The following SPOPL variants were observed in gnomAD, a reference collection of about 807,000 sequenced individuals.
SPOPL encodes speckle type BTB/POZ protein like.
Under a neutral mutation model 53.8 loss-of-function variants are expected in SPOPL, and 23 were observed. The observed-to-expected ratio is 0.43, with a 90% confidence interval of 0.31 to 0.61. The LOEUF (loss-of-function observed/expected upper bound fraction) is 0.61, where lower values mean the gene tolerates loss of function less well. Among genes scored for constraint, SPOPL ranks in the 20% least tolerant of loss-of-function variants. SPOPL has a pLI of 0.12. For synonymous variants in SPOPL, 164 were observed against 149.7 expected (o/e 1.10, Z -0.70); for missense variants, 442 against 466.9 (o/e 0.95, Z 0.49).
intron 1 of SPOPL, among the ~76,000 whole-genome samples, chr2:138,509,599 T>C (rs1423855380): frequency 2.6e-5 from 4 of 151,962 alleles, no homozygotes; most frequent in Admixed American, 6.6e-5. Context: ...TTTAAAAAAA[T>C]AGATTTTATG....
At chr2:138,546,194 T>G (rs541079338) in intron 1 of SPOPL, among the ~76,000 whole-genome samples, 1 of 152,376 alleles carries the variant, frequency 6.6e-6, no homozygotes, top group Non-Finnish European at 1.5e-5. Context: ...TATGTTTATT[T>G]GAATAACAAA....
chr2:138,521,919 G>A (rs979976546), intron 1 of SPOPL, among the ~76,000 whole-genome samples: 2 of 152,114 alleles, frequency 1.3e-5, no homozygotes, highest in African/African-American at 2.4e-5. Context: ...ATGAACACCT[G>A]GGGGAATGAT....
At chr2:138,550,823 C>CTTTT in intron 3 of SPOPL, 80 bp from the exon 4 acceptor site, 17 of 1,356,292 alleles carry the variant, frequency 1.3e-5, no homozygotes, top group Non-Finnish European at 1.7e-5. Context: ...TTCTCTCTCT[C>CTTTT]TCTTTCTCTC....
intron 1 of SPOPL, among the ~76,000 whole-genome samples, chr2:138,510,810 A>G (rs1684309679): frequency 1.3e-5 from 2 of 152,180 alleles, no homozygotes; most frequent in African/African-American, 2.4e-5. Context: ...TTATAAGACA[A>G]AAAAATGAAA....
intron 1 of SPOPL, among the ~76,000 whole-genome samples, chr2:138,517,715 G>C (rs1455190616): frequency 1.3e-5 from 2 of 150,836 alleles, no homozygotes; most frequent in Non-Finnish European, 3.0e-5. Context: ...CTCCAGCCTG[G>C]GTGACAGAGC....
rs1007043281 is a variant in SPOPL, at chr2:138,551,127, T to C, written c.352+73T>C. The stretch of plus-strand genomic sequence containing the variant: ...TTATGACTTCTTCTGCACCTTTACC[T>C]AGAAAAGTCTGGGACTTTTTTCTGC... On this transcript the variant is annotated intron_variant, in intron 4 of 10. Coordinates refer to ENST00000280098, the MANE Select transcript of SPOPL (RefSeq NM_001001664.3). 3.9e-6 allele frequency: 6 copies of C among 1,530,340 alleles called. No individual in the cohort carries two copies. The African/African-American group carries it at 7.0e-5, about 18-fold the overall frequency. The allele number at this position is 1,530,340 out of a possible 1,614,324, so 94.8% of individuals were successfully genotyped here.
In SPOPL at chr2:138,559,096, T is replaced by C; in HGVS notation, c.555T>C (p.Arg185=). 2 of 1,613,652 alleles carry C rather than the reference T, an allele frequency of 1.2e-6. No individual in the cohort carries two copies. The highest frequency in any genetic ancestry group is 8.5e-7 in the Non-Finnish European group (1 of 1,179,782). ...NTNTLKVPEC[R]LAEDLGNLWE... is the part of the protein sequence containing the mutation. ...ATACTTTGAAGGTGCCTGAGTGTCG[T>C]CTAGCAGAAGATTTAGGTAATCTCT... is the stretch of plus-strand genomic sequence containing the variant. The change falls in exon 6 of 11, where the codon CGT becomes CGC. Residue 185 remains arginine (R), a synonymous_variant. Transcript: ENST00000280098.
Position 138,571,987 on chromosome 2 carries a change from A to C in SPOPL, c.*2907A>C, listed in dbSNP as rs907963169. On this transcript the variant is annotated 3_prime_UTR_variant, in exon 11 of 11. Transcript: ENST00000280098. ...ATTGGTAATTGGAGAACCTTGCATG[A>C]AATATGTGATCGTGTGTGTGTGTGT... The C allele has an allele frequency of 6.6e-6, 1 of 152,414 alleles. No individual in the cohort carries two copies. The highest frequency in any genetic ancestry group is 1.5e-5 in the Non-Finnish European group (1 of 67,956). The allele number at this position is 152,414 out of a possible 1,614,324, so 9.4% of individuals were successfully genotyped here.
chr2:138,536,346 C>CCCCA (rs1553469730), intron 1 of SPOPL, among the ~76,000 whole-genome samples: 1 of 151,202 alleles, frequency 6.6e-6, no homozygotes, highest in African/African-American at 2.5e-5. Flanking sequence ...TGCCCCCCCC[C>CCCCA]CACACACACA....
intron 6 of SPOPL, 28 bp from the exon 7 acceptor site, chr2:138,559,254 A>T (rs745995761): frequency 6.2e-7 from 1 of 1,611,444 alleles, no homozygotes; most frequent in Middle Eastern, 1.7e-4. Context: ...ATTTATGCAT[A>T]AAATAATGAT....
At chr2:138,530,835 A>G (rs1334705363) in intron 1 of SPOPL, among the ~76,000 whole-genome samples, 1 of 151,994 alleles carries the variant, frequency 6.6e-6, no homozygotes, top group Non-Finnish European at 1.5e-5. Context: ...GGTACTGGAT[A>G]GGACCTCTAG....
At chr2:138,536,139 A>G (rs940218591) in intron 1 of SPOPL, among the ~76,000 whole-genome samples, 27 of 152,104 alleles carry the variant, frequency 1.8e-4, no homozygotes, top group Admixed American at 1.8e-3. Flanking sequence ...AAGTTTAATC[A>G]CAGTTTCTGT....
chr2:138,566,170 AAGT>A (rs1685655411), intron 10 of SPOPL, among the ~76,000 whole-genome samples: 1 of 152,212 alleles, frequency 6.6e-6, no homozygotes. Context: ...TGAAAGTAAA[AAGT>A]AGTGACTACT....
At position 138,569,097 on chromosome 2, in the gene SPOPL, T is replaced by C. The variant is rs558489979; in HGVS notation, c.*17T>C. On this transcript the variant is annotated 3_prime_UTR_variant, in exon 11 of 11. Coordinates refer to ENST00000280098, the MANE Select transcript of SPOPL (RefSeq NM_001001664.3). ...CAGTCCTGAAATCTTCCATGAACAG[T>C]TGAAAAATGGAATTGACTTTCACTC... The C allele has an allele frequency of 1.4e-5, 23 of 1,606,294 alleles. No homozygotes were observed. The Middle Eastern group carries it at 6.1e-4, about 43-fold the overall frequency.
Position 138,501,986 on chromosome 2 carries a change from G to T in SPOPL, c.-194G>T, listed in dbSNP as rs1346531328. 1 of 152,432 alleles carries T rather than the reference G, an allele frequency of 6.6e-6. No homozygotes were observed. The highest frequency in any genetic ancestry group is 1.5e-5 in the Non-Finnish European group (1 of 68,242). 9.4% of individuals were successfully genotyped at this position (152,432 alleles called of 1,614,324 possible). A position where few individuals can be genotyped will look rare whatever the true frequency, so the allele number is the denominator to read the frequency against. On this transcript the variant is annotated 5_prime_UTR_variant, in exon 1 of 11. Coordinates refer to ENST00000280098, the MANE Select transcript of SPOPL (RefSeq NM_001001664.3). ...GGAGGGATGCGGTTCGGCGGAGGCG[G>T]CCGCCACAGGGACTTGCCGCCATCA... is the stretch of plus-strand genomic sequence containing the variant.
chr2:138,514,722 C>T (rs1057009942), intron 1 of SPOPL, among the ~76,000 whole-genome samples: 21 of 152,094 alleles, frequency 1.4e-4, no homozygotes, highest in African/African-American at 4.6e-4. Flanking sequence ...GGGTAATGTA[C>T]CTTGTAATAT....
At chr2:138,521,491 A>G (rs1684556737) in intron 1 of SPOPL, among the ~76,000 whole-genome samples, 1 of 152,126 alleles carries the variant, frequency 6.6e-6, no homozygotes, top group Non-Finnish European at 1.5e-5. Context: ...AAGCAACAGA[A>G]ATGAAATGAT....
At chr2:138,548,683 A>C (rs1050090868) in intron 1 of SPOPL, among the ~76,000 whole-genome samples, 2 of 152,002 alleles carry the variant, frequency 1.3e-5, no homozygotes, top group African/African-American at 4.8e-5. Context: ...TATTAAGAAA[A>C]TTAGTTATAT....
intron 1 of SPOPL, among the ~76,000 whole-genome samples, chr2:138,536,251 T>C (rs1684929735): frequency 6.6e-6 from 1 of 152,168 alleles, no homozygotes; most frequent in Non-Finnish European, 1.5e-5. Flanking sequence ...ATTGAGAAAT[T>C]CTTGGAACTG....
Sources: gnomAD v4.1 joint callset for allele counts (sites outside exome capture counted in the v4.1 genomes callset) on GRCh38, gnomAD v4.1.1 for gene constraint, MANE v1.5 for transcripts, NCBI Gene and HGNC (gene_info 2026-07-23, HGNC 2026-07-21) for gene names.